Variants in CDH9 observed in about 807,000 individuals in gnomAD.
CDH9 encodes the protein cadherin-9.
Under a neutral mutation model 70.9 loss-of-function variants are expected in CDH9, and 28 were observed. That is an observed-to-expected ratio of 0.40 (90% CI 0.29 to 0.54). The LOEUF (loss-of-function observed/expected upper bound fraction) is 0.54, where lower values mean the gene tolerates loss of function less well. CDH9 is among the 20% of genes least tolerant of loss of function. CDH9 has a pLI of 0.59. For synonymous variants in CDH9, 409 were observed against 343.1 expected (o/e 1.19, Z -2.12); for missense variants, 874 against 984.4 (o/e 0.89, Z 1.50).
At chr5:27,015,858 CAT>C (rs1743038217) in intron 1 of CDH9, among the ~76,000 whole-genome samples, 1 of 151,572 alleles carries the variant, frequency 6.6e-6, no homozygotes. Context: ...GAACATTTAC[CAT>C]GTCATTATCT....
intron 3 of CDH9, among the ~76,000 whole-genome samples, chr5:26,912,276 T>C (rs1741067154): frequency 6.6e-6 from 1 of 152,000 alleles, no homozygotes; most frequent in South Asian, 2.1e-4. Context: ...CATGACAGAG[T>C]TCCTAAATAT....
At chr5:27,020,647 T>C (rs1253489689) in intron 1 of CDH9, among the ~76,000 whole-genome samples, 1 of 151,548 alleles carries the variant, frequency 6.6e-6, no homozygotes, top group African/African-American at 2.4e-5. Context: ...GTTTTATACA[T>C]CTTGATCCGA....
At chr5:26,916,796 C>T (rs112069204) in intron 2 of CDH9, among the ~76,000 whole-genome samples, 6 of 151,986 alleles carry the variant, frequency 3.9e-5, no homozygotes, top group African/African-American at 7.2e-5. Flanking sequence ...ATTTTCTATA[C>T]GACTCTGAGA....
In CDH9 at chr5:27,038,470, A is replaced by T. The variant is rs558878783; in HGVS notation, c.-57T>A. 6.6e-6 allele frequency: 1 copy of T among 152,056 alleles called. No homozygotes were observed. The highest frequency in any genetic ancestry group is 6.6e-5 in the Admixed American group (1 of 15,240). The allele number at this position is 152,056 out of a possible 1,614,324, so 9.4% of individuals were successfully genotyped here. A position where few individuals can be genotyped will look rare whatever the true frequency, so the allele number is the denominator to read the frequency against. Reference sequence around the variant, plus strand: ...AAAGTAAATAACACTTACCTTGCTTAACAATGGAACTGAGTTTAGCCCTAC... The same window carrying T: ...AAAGTAAATAACACTTACCTTGCTTTACAATGGAACTGAGTTTAGCCCTAC... On this transcript the variant is annotated 5_prime_UTR_variant, in exon 1 of 12. Coordinates refer to ENST00000231021, the MANE Select transcript of CDH9 (RefSeq NM_016279.4).
rs759935703 is a variant in CDH9 at position 26,915,786 on chromosome 5, G to C, written c.367C>G (p.Leu123Val). The change falls in exon 3 of 12, where the codon CTG becomes GTG. Residue 123 changes from leucine to valine, a missense_variant. Leu to Val is a conservative substitution (Grantham distance 32). Coordinates refer to ENST00000231021, the MANE Select transcript of CDH9 (RefSeq NM_016279.4). ...ATAGCCTTGGCACGAAGAATGTACA[G>C]AGATTTTTCTTCTCTGTCTAGTTTC... ...AKKLDREEKS[L>V]YILRAKAIDR... 2 of 1,613,614 alleles carry C rather than the reference G, an allele frequency of 1.2e-6. No homozygotes were observed. Among genetic ancestry groups the C allele is most frequent in the South Asian group, 2.2e-5 (2 of 91,074 alleles).
chr5:26,888,070 AT>A (rs1740594963), intron 9 of CDH9, among the ~76,000 whole-genome samples: 1 of 152,118 alleles, frequency 6.6e-6, no homozygotes, highest in South Asian at 2.1e-4. Flanking sequence ...GCTGTAAATT[AT>A]TTTTAAGTCC....
intron 1 of CDH9, among the ~76,000 whole-genome samples, chr5:27,035,674 A>ATG (rs201793026): frequency 0.02 from 2,188 of 112,076 alleles, 52 homozygotes; most frequent in African/African-American, 0.075. Flanking sequence ...ATTGCTATTG[A>ATG]CGTGTGTGTG....
chr5:26,881,543 T>G lies in CDH9; in HGVS notation c.1963A>C (p.Asn655His). The change falls in exon 12 of 12, where the codon AAC (asparagine) becomes CAC (histidine). Residue 655 changes from asparagine (N) to histidine (H), a missense_variant. By Grantham distance (68) the Asn-to-His change is moderately conservative. Coordinates refer to ENST00000231021, the MANE Select transcript of CDH9 (RefSeq NM_016279.4). ...CCTTCATCGTTGTAGGTCACAATGT[T>G]GTCCCGGACATCGTCTTTTGAAATT... The part of the protein sequence containing the change: ...LIISKDDVRD[N>H]IVTYNDEGGG... The G allele has an allele frequency of 6.2e-7, 1 of 1,613,808 alleles. No homozygotes were observed. The highest frequency in any genetic ancestry group is 8.5e-7 in the Non-Finnish European group (1 of 1,179,782).
Position 26,922,366 on chromosome 5 carries a change from G to A in CDH9, c.229-6442C>T, listed in dbSNP as rs555869397. ...GAAAATAAAAAAACAACATACAAAGGGGCTTAAATGCACCTGGCAACAGAT... is the reference window on the plus strand; with the variant it reads ...GAAAATAAAAAAACAACATACAAAGAGGCTTAAATGCACCTGGCAACAGAT... On this transcript the variant is annotated intron_variant, in intron 2 of 11. Transcript: ENST00000231021. Among the ~76,000 whole-genome samples the A allele has an allele frequency of 3.0e-3, 449 of 152,000 alleles. 3 individuals carry two copies. The highest frequency in any genetic ancestry group is 0.01 in the African/African-American group (418 of 41,496).
intron 3 of CDH9, among the ~76,000 whole-genome samples, chr5:26,907,581 T>G (rs1740972348): frequency 6.6e-6 from 1 of 152,118 alleles, no homozygotes; most frequent in African/African-American, 2.4e-5. Flanking sequence ...ATCATTAAAT[T>G]TAAATTATGT....
chr5:26,974,873 T>C (rs1742279395), intron 2 of CDH9, among the ~76,000 whole-genome samples: 1 of 152,034 alleles, frequency 6.6e-6, no homozygotes, highest in African/African-American at 2.4e-5. Flanking sequence ...CTTCGCAAAT[T>C]TCAAGTATAC....
At chr5:26,989,508 G>GTCTCTCTCTCTC (rs150867847) in intron 1 of CDH9, among the ~76,000 whole-genome samples, 10 of 146,784 alleles carry the variant, frequency 6.8e-5, no homozygotes, top group African/African-American at 2.5e-4. Context: ...TCTCTTCTCT[G>GTCTCTCTCTCTC]TCTCTCTCTC....
At chr5:26,989,131 A>C (rs115935224) in intron 1 of CDH9, among the ~76,000 whole-genome samples, 1,885 of 152,160 alleles carry the variant, frequency 0.012, 58 homozygotes, top group African/African-American at 0.043. Context: ...TGATATTGCA[A>C]AATTAGATAA....
chr5:26,989,460 G>A (rs565504905), intron 1 of CDH9, among the ~76,000 whole-genome samples: 60 of 151,862 alleles, frequency 4.0e-4, no homozygotes, highest in African/African-American at 1.3e-3. Context: ...TCCTTATCAT[G>A]AAAACTAGAA....
At chr5:26,917,276 G>A (rs1045736785) in intron 2 of CDH9, among the ~76,000 whole-genome samples, 3 of 151,740 alleles carry the variant, frequency 2.0e-5, no homozygotes, top group Admixed American at 6.6e-5. Flanking sequence ...ACATTTACAA[G>A]GATGTGGATG....
rs76596770 is a variant in CDH9, at chr5:26,888,385, G to A, written c.1512+1451C>T. ...TACAGTGTTCATTATAGTATAACTG[G>A]GGTACTGCTAGGGTAACATTTTGTG... On this transcript the variant is annotated intron_variant, in intron 9 of 11. Transcript: ENST00000231021. Among the ~76,000 whole-genome samples, 15 of 152,122 alleles carry A rather than the reference G, an allele frequency of 9.9e-5. No homozygotes were observed. In the East Asian group the frequency reaches 2.9e-3, roughly 29 times the overall value.
chr5:26,889,949 T>C lies in CDH9; in HGVS notation c.1399A>G (p.Lys467Glu). ...TVTATEINNP[K>E]QSSHIPVFIR... ...AAGACAGGGATGTGGCTACTTTGTT[T>C]TGGGTTATCTGCAACGAGAACACGT... The change falls in exon 9 of 12, where the codon AAA (lysine) becomes GAA (glutamate). Residue 467 changes from lysine to glutamate, a missense_variant. By Grantham distance (56) the Lys-to-Glu change is moderately conservative. Coordinates refer to ENST00000231021, the MANE Select transcript of CDH9 (RefSeq NM_016279.4). 6.2e-7 allele frequency: 1 copy of C among 1,609,140 alleles called. No homozygotes were observed. The highest frequency in any genetic ancestry group is 8.5e-7 in the Non-Finnish European group (1 of 1,177,932).
intron 7 of CDH9, among the ~76,000 whole-genome samples, chr5:26,893,152 A>T (rs1399528077): frequency 6.6e-6 from 1 of 152,218 alleles, no homozygotes; most frequent in Non-Finnish European, 1.5e-5. Flanking sequence ...AATTATGCTG[A>T]ACTTAAGGGA....
At chr5:26,933,303 A>G (rs1741496623) in intron 2 of CDH9, among the ~76,000 whole-genome samples, 1 of 151,584 alleles carries the variant, frequency 6.6e-6, no homozygotes, top group Non-Finnish European at 1.5e-5. Flanking sequence ...TGACACTTTG[A>G]TCTTGGACTT....
Sources: allele counts gnomAD v4.1 joint callset (sites outside exome capture counted in the v4.1 genomes callset), GRCh38; gene constraint gnomAD v4.1.1; transcripts MANE v1.5; gene names NCBI Gene and HGNC (gene_info 2026-07-23, HGNC 2026-07-21).